FAM81B: variants seen among roughly 807,000 people sequenced by gnomAD.
FAM81B encodes protein FAM81B.
In FAM81B, 60 loss-of-function variants were observed where a neutral mutation model predicts 58.7. The observed-to-expected ratio is 1.02, with a 90% CI of 0.83 to 1.27. The LOEUF (loss-of-function observed/expected upper bound fraction) is 1.27, where lower values mean the gene tolerates loss of function less well. FAM81B is among the 50% of genes most tolerant of loss of function. The pLI is 0.00. For synonymous variants in FAM81B, 189 were observed against 179.6 expected (o/e 1.05, Z -0.42); for missense variants, 491 against 522.0 (o/e 0.94, Z 0.58).
intron 7 of FAM81B, among the ~76,000 whole-genome samples, chr5:95,446,040 A>G (rs1465796860): frequency 2.0e-5 from 3 of 152,234 alleles, no homozygotes; most frequent in African/African-American, 7.2e-5. Context: ...TTAGACTATA[A>G]CCGTACTCAT....
chr5:95,392,860 GC>G lies in FAM81B; in HGVS notation c.196del (p.Leu66PhefsTer12), dbSNP rs779816489. On this transcript the variant is annotated frameshift_variant, in exon 2 of 10. Transcript: ENST00000283357. LOFTEE classifies it high-confidence loss of function. ...TAEEQPVEPD[G>X]PLPGSDNNQE... ...GAGGAACAGCCAGTTGAACCTGATG[GC>G]CCCCTTCCTGGCTCAGACAATAACC... 32 of 1,612,042 alleles carry G rather than the reference GC, an allele frequency of 2.0e-5. No individual in the cohort carries two copies. Among genetic ancestry groups the G allele is most frequent in the Admixed American group, 1.7e-4 (10 of 59,654 alleles).
chr5:95,416,929 A>AGC (rs1257940720), intron 4 of FAM81B, among the ~76,000 whole-genome samples: 5 of 152,076 alleles, frequency 3.3e-5, no homozygotes, highest in Admixed American at 3.3e-4. Flanking sequence ...CTATAGACAC[A>AGC]GCTCCTTGGG....
intron 7 of FAM81B, among the ~76,000 whole-genome samples, chr5:95,444,470 A>T (rs1745479056): frequency 6.6e-6 from 1 of 152,190 alleles, no homozygotes; most frequent in South Asian, 2.1e-4. Flanking sequence ...GAGCCAATGG[A>T]TATTCTGAGG....
At chr5:95,394,718 G>A (rs1020293843) in intron 2 of FAM81B, among the ~76,000 whole-genome samples, 1 of 152,126 alleles carries the variant, frequency 6.6e-6, no homozygotes, top group Admixed American at 6.5e-5. Flanking sequence ...TCTCTCCTGG[G>A]GGTTCACAGG....
At chr5:95,420,565 CA>C (rs1762652379) in intron 5 of FAM81B, among the ~76,000 whole-genome samples, 163 bp downstream of exon 5, 1 of 152,304 alleles carries the variant, frequency 6.6e-6, no homozygotes, top group African/African-American at 2.4e-5. Flanking sequence ...TTCAATGCCT[CA>C]CGCTAGCGGT....
chr5:95,450,207 G>C lies in FAM81B; in HGVS notation c.1284G>C (p.Met428Ile). The C allele has an allele frequency of 6.2e-7, 1 of 1,612,972 alleles. No homozygotes were observed. Among genetic ancestry groups the C allele is most frequent in the Non-Finnish European group, 8.5e-7 (1 of 1,179,526 alleles). Residue 428 changes from methionine (M) to isoleucine (I), a missense_variant, in exon 10 of 10, where the codon ATG becomes ATC. Physicochemically the swap from Met to Ile is conservative, Grantham distance 10. Coordinates refer to ENST00000283357, the MANE Select transcript of FAM81B (RefSeq NM_152548.3). ...TCCAACAAATACAGAAAACAAAGAT[G>C]GATTTAGAGAAATATAAAGTACAGA... ...SSLQQIQKTK[M>I]DLEKYKVQKD...
At chr5:95,397,067 T>A (rs1278618692) in intron 3 of FAM81B, 3 of 152,254 alleles carry the variant, frequency 2.0e-5, no homozygotes, top group Non-Finnish European at 2.9e-5. Flanking sequence ...TTCGATTTTT[T>A]AAAAATTATC....
chr5:95,409,736 T>C (rs768553077), intron 3 of FAM81B, among the ~76,000 whole-genome samples: 34 of 152,178 alleles, frequency 2.2e-4, no homozygotes, highest in Non-Finnish European at 3.8e-4. Context: ...CATCCATCAC[T>C]AGGGTAATAA....
chr5:95,409,486 T>TTTTTTTTTTTTTTTTTTTTTTTGAG (rs1554043553), intron 3 of FAM81B, among the ~76,000 whole-genome samples: 4 of 151,396 alleles, frequency 2.6e-5, no homozygotes, highest in Non-Finnish European at 5.9e-5. Flanking sequence ...GAATTTTTCT[T>TTTTTTTTTTTTTTTTTTTTTTTGAG]AATGTGGCTA....
intron 7 of FAM81B, among the ~76,000 whole-genome samples, chr5:95,442,987 TG>T (rs1745423030): frequency 6.6e-6 from 1 of 152,328 alleles, no homozygotes; most frequent in East Asian, 1.9e-4. Context: ...CATTCACACT[TG>T]GTCAAAGCCC....
At chr5:95,416,494 C>T (rs1762542250) in intron 4 of FAM81B, among the ~76,000 whole-genome samples, 1 of 152,030 alleles carries the variant, frequency 6.6e-6, no homozygotes, top group Non-Finnish European at 1.5e-5. Context: ...TGTGGGTTTT[C>T]CCCTCAACTT....
chr5:95,397,804 A>G (rs931500685), intron 3 of FAM81B, among the ~76,000 whole-genome samples: 1 of 152,184 alleles, frequency 6.6e-6, no homozygotes, highest in Non-Finnish European at 1.5e-5. Context: ...ATGATTTCAC[A>G]TTGTTAATTG....
At chr5:95,410,311 C>T (rs1762374213) in intron 3 of FAM81B, among the ~76,000 whole-genome samples, 1 of 152,184 alleles carries the variant, frequency 6.6e-6, no homozygotes, top group South Asian at 2.1e-4. Flanking sequence ...CTTCCTCAGT[C>T]AGCTGCTCTA....
At chr5:95,412,923 T>C (rs1762442080) in intron 3 of FAM81B, among the ~76,000 whole-genome samples, 1 of 152,176 alleles carries the variant, frequency 6.6e-6, no homozygotes, top group Non-Finnish European at 1.5e-5. Context: ...TAGTGGCAAA[T>C]ATAGGAAGTC....
chr5:95,426,875 C>T (rs541906488), intron 5 of FAM81B, among the ~76,000 whole-genome samples: 4 of 152,206 alleles, frequency 2.6e-5, no homozygotes, highest in South Asian at 2.1e-4. Context: ...GGTGAAACCC[C>T]GTCTCTACTA....
At chr5:95,444,064 A>T (rs1745462317) in intron 7 of FAM81B, among the ~76,000 whole-genome samples, 1 of 152,218 alleles carries the variant, frequency 6.6e-6, no homozygotes, top group Admixed American at 6.5e-5. Flanking sequence ...ACTATTAATT[A>T]ATACTTCCAC....
At chr5:95,446,473 T>C in intron 7 of FAM81B, 89 bp from the exon 8 acceptor site, 1 of 1,264,562 alleles carries the variant, frequency 7.9e-7, no homozygotes. Flanking sequence ...CTGAGTCTCG[T>C]CACCTCAAAA....
At chr5:95,445,236 A>C (rs1397520909) in intron 7 of FAM81B, among the ~76,000 whole-genome samples, 1 of 152,198 alleles carries the variant, frequency 6.6e-6, no homozygotes, top group Non-Finnish European at 1.5e-5. Context: ...CATCAGAGCA[A>C]TTATTACTTT....
At chr5:95,398,067 C>T (rs914492129) in intron 3 of FAM81B, among the ~76,000 whole-genome samples, 10 of 152,150 alleles carry the variant, frequency 6.6e-5, no homozygotes, top group African/African-American at 2.4e-4. Flanking sequence ...TAAGTGCAGA[C>T]ATTTTGAATT....
Sources: gnomAD v4.1 joint callset for allele counts (sites outside exome capture counted in the v4.1 genomes callset) on GRCh38, gnomAD v4.1.1 for gene constraint, MANE v1.5 for transcripts, NCBI Gene and HGNC (gene_info 2026-07-23, HGNC 2026-07-21) for gene names.